Variants in SOHLH2 observed in about 807,000 individuals in gnomAD.
SOHLH2 encodes spermatogenesis and oogenesis specific basic helix-loop-helix 2.
In SOHLH2, 22 loss-of-function variants were observed where a neutral mutation model predicts 50.4. The observed-to-expected ratio is 0.44, with a 90% CI of 0.31 to 0.62. The LOEUF (loss-of-function observed/expected upper bound fraction) is 0.62. Ranked by LOEUF, SOHLH2 falls within the 20% of genes least tolerant of loss-of-function variation. SOHLH2 has a pLI of 0.08. For synonymous variants in SOHLH2, 185 were observed against 187.3 expected, an observed-to-expected ratio of 0.99 and a Z score of 0.10; for missense variants, 412 against 504.4, an observed-to-expected ratio of 0.82 and a Z score of 1.76.
chr13:36,173,945 A>C (rs1253744732), intron 8 of SOHLH2, 135 bp from the exon 9 acceptor site: 4 of 998,732 alleles, frequency 4.0e-6, no homozygotes, highest in Non-Finnish European at 5.9e-6. Context: ...TTTACATATG[A>C]GCAAAGACAC....
At chr13:36,201,507 C>T (rs2138317974) in intron 2 of SOHLH2, among the ~76,000 whole-genome samples, 1 of 151,364 alleles carries the variant, frequency 6.6e-6, no homozygotes, top group East Asian at 1.9e-4. Context: ...GCATCTCACT[C>T]TGTCGTCCAG....
Position 36,180,718 on chromosome 13 carries a change from C to T in SOHLH2, c.642-5849G>A, listed in dbSNP as rs921035117. On this transcript the variant is annotated intron_variant, in intron 6 of 10. Transcript: ENST00000379881. ...CTCTTACTGATTTCTAATTTAATTTCGTTGTGGTCAGGGAACACATCTTTA... is the reference window on the plus strand; with the variant it reads ...CTCTTACTGATTTCTAATTTAATTTTGTTGTGGTCAGGGAACACATCTTTA... 2.9e-5 allele frequency among the ~76,000 whole-genome samples: 4 copies of T among 139,618 alleles called. No individual in the cohort carries two copies. In the Admixed American group the frequency reaches 3.0e-4, roughly 10 times the overall value. The allele number at this position is 139,618 out of a possible 152,430, so 91.6% of individuals were successfully genotyped here. A position where few individuals can be genotyped will look rare whatever the true frequency, so the allele number is the denominator to read the frequency against.
At chr13:36,177,704 T>TATAG (rs1395783321) in intron 6 of SOHLH2, among the ~76,000 whole-genome samples, 1 of 152,158 alleles carries the variant, frequency 6.6e-6, no homozygotes, top group African/African-American at 2.4e-5. Context: ...TGGGCACTTG[T>TATAG]ATAGCTTCCT....
intron 6 of SOHLH2, chr13:36,183,230 C>A (rs1035283344): frequency 3.8e-5 from 12 of 315,964 alleles, no homozygotes; most frequent in African/African-American, 2.3e-4. Flanking sequence ...AACCTCTTTT[C>A]TTTATAAATT....
intron 1 of SOHLH2, 144 bp downstream of exon 1, chr13:36,214,335 G>A (rs1869304093): frequency 4.9e-6 from 5 of 1,014,814 alleles, no homozygotes; most frequent in African/African-American, 1.7e-5. Context: ...CGTCCTGGAA[G>A]GGGCCCTTCC....
chr13:36,196,708 A>G (rs1458401333), intron 2 of SOHLH2, among the ~76,000 whole-genome samples: 2 of 152,222 alleles, frequency 1.3e-5, no homozygotes, highest in African/African-American at 4.8e-5. Flanking sequence ...CAAAAATTTG[A>G]AAATTAATTT....
intron 1 of SOHLH2, among the ~76,000 whole-genome samples, chr13:36,205,774 C>T (rs1318849690): frequency 1.3e-5 from 2 of 151,952 alleles, no homozygotes; most frequent in Non-Finnish European, 2.9e-5. Context: ...GTTTATAAAA[C>T]ACAGAAATTA....
intron 2 of SOHLH2, among the ~76,000 whole-genome samples, chr13:36,198,028 G>A (rs979382099): frequency 1.3e-5 from 2 of 152,178 alleles, no homozygotes; most frequent in Non-Finnish European, 2.9e-5. Context: ...AGGATGTCTT[G>A]GAGACATAAA....
chr13:36,171,660 G>A (rs1293965321), intron 9 of SOHLH2, among the ~76,000 whole-genome samples: 1 of 152,066 alleles, frequency 6.6e-6, no homozygotes, highest in African/African-American at 2.4e-5. Flanking sequence ...CCAGTCCAAG[G>A]AAAAGTCCAA....
chr13:36,209,491 T>C (rs1021080070), intron 1 of SOHLH2, among the ~76,000 whole-genome samples: 7 of 152,170 alleles, frequency 4.6e-5, no homozygotes, highest in Non-Finnish European at 1.0e-4. Flanking sequence ...GATGGCACAA[T>C]TTCTAGTTCA....
intron 6 of SOHLH2, among the ~76,000 whole-genome samples, chr13:36,175,598 T>G (rs544972722): frequency 6.6e-6 from 1 of 152,304 alleles, no homozygotes; most frequent in Admixed American, 6.5e-5. Flanking sequence ...TAAGCACCTG[T>G]TTTGTGCTGA....
chr13:36,198,962 C>T (rs775066248), intron 2 of SOHLH2, among the ~76,000 whole-genome samples: 1 of 152,062 alleles, frequency 6.6e-6, no homozygotes, highest in African/African-American at 2.4e-5. Context: ...ACCTACATAG[C>T]TTTTGAAATA....
At chr13:36,170,497 G>A (rs763992791) in intron 10 of SOHLH2, 34 bp downstream of exon 10, 1 of 1,603,840 alleles carries the variant, frequency 6.2e-7, no homozygotes, top group Admixed American at 1.7e-5. Context: ...GAGTGAAAGG[G>A]TCCAATCTGA....
chr13:36,169,168 T>C (rs1886896050), intron 10 of SOHLH2, 114 bp from the exon 11 acceptor site: 8 of 1,401,784 alleles, frequency 5.7e-6, no homozygotes, highest in Non-Finnish European at 7.5e-6. Context: ...TGCAAAACTA[T>C]GTTAAATCCT....
intron 2 of SOHLH2, among the ~76,000 whole-genome samples, chr13:36,201,048 C>CAAAAAAAAAAAA (rs10660002): frequency 1.5e-3 from 81 of 55,860 alleles, no homozygotes; most frequent in Non-Finnish European, 1.8e-3. Flanking sequence ...GACTCTGCCT[C>CAAAAAAAAAAAA]AAAAAAAAAA....
In SOHLH2 at chr13:36,168,727, T is replaced by A. The variant is rs926480804; in HGVS notation, c.*307A>T. The A allele has an allele frequency of 1.8e-5, 7 of 397,576 alleles. No individual in the cohort carries two copies. Among genetic ancestry groups the A allele is most frequent in the African/African-American group, 1.2e-4 (6 of 48,532 alleles). The allele number at this position is 397,576 out of a possible 1,614,324, so 24.6% of individuals were successfully genotyped here. ...TCTTCCTTATAGCATGCTTTTTTCATAAATTGTGGAATATTTTTTGAGAAA... is the reference window on the plus strand; with the variant it reads ...TCTTCCTTATAGCATGCTTTTTTCAAAAATTGTGGAATATTTTTTGAGAAA... On this transcript the variant is annotated 3_prime_UTR_variant, in exon 11 of 11. Transcript: ENST00000379881.
intron 6 of SOHLH2, among the ~76,000 whole-genome samples, chr13:36,188,208 G>A (rs1336483880): frequency 6.6e-6 from 1 of 152,142 alleles, no homozygotes; most frequent in African/African-American, 2.4e-5. Context: ...TGTCATGTAG[G>A]CAGAAGAATT....
At chr13:36,184,649 A>G (rs2089426688) in intron 6 of SOHLH2, among the ~76,000 whole-genome samples, 2 of 151,982 alleles carry the variant, frequency 1.3e-5, no homozygotes, top group African/African-American at 4.8e-5. Flanking sequence ...TAGTAGAGAC[A>G]GGGTTTCACC....
intron 1 of SOHLH2, among the ~76,000 whole-genome samples, chr13:36,204,288 A>G (rs1428817486): frequency 6.6e-6 from 1 of 152,134 alleles, no homozygotes; most frequent in Non-Finnish European, 1.5e-5. Context: ...TCACTAATAA[A>G]TATTTAATAT....
Sources: gnomAD v4.1 joint callset for allele counts (sites outside exome capture counted in the v4.1 genomes callset) on GRCh38, gnomAD v4.1.1 for gene constraint, MANE v1.5 for transcripts, NCBI Gene and HGNC (gene_info 2026-07-23, HGNC 2026-07-21) for gene names.